The following FHIT variants were observed in gnomAD, a reference collection of about 807,000 sequenced individuals.
FHIT encodes bis(5'-adenosyl)-triphosphatase.
A neutral mutation model predicts 17.9 loss-of-function variants in FHIT; 19 were observed. The ratio of observed to expected loss-of-function variants is 1.06; its 90% CI spans 0.74 to 1.56. The LOEUF is 1.56. FHIT is among the 40% of genes most tolerant of loss of function. FHIT has a pLI of 0.00. For synonymous variants in FHIT, 81 were observed against 69.7 expected (o/e 1.16, Z -0.81); for missense variants, 248 against 189.2 (o/e 1.31, Z -1.82).
intron 4 of FHIT, among the ~76,000 whole-genome samples, chr3:60,765,310 C>G (rs781947965): frequency 6.6e-6 from 1 of 152,198 alleles, no homozygotes; most frequent in Non-Finnish European, 1.5e-5. Flanking sequence ...CACCAAGAGA[C>G]TGGACCTTCT....
At chr3:61,234,424 GAC>G (rs1172097911) in intron 1 of FHIT, among the ~76,000 whole-genome samples, 2 of 152,172 alleles carry the variant, frequency 1.3e-5, no homozygotes, top group Admixed American at 6.5e-5. Flanking sequence ...ATACTCTGTA[GAC>G]ATTAATGCCA....
At chr3:60,001,288 T>C (rs1699720284) in intron 7 of FHIT, among the ~76,000 whole-genome samples, 1 of 152,208 alleles carries the variant, frequency 6.6e-6, no homozygotes. Flanking sequence ...TGGAGTAATA[T>C]GTTAATATTA....
chr3:61,155,749 G>C (rs2037517957), intron 2 of FHIT, among the ~76,000 whole-genome samples: 1 of 152,118 alleles, frequency 6.6e-6, no homozygotes, highest in South Asian at 2.1e-4. Context: ...AGGTAGGTAG[G>C]TAATATCTAC....
At chr3:61,019,509 T>C (rs1338622642) in intron 3 of FHIT, among the ~76,000 whole-genome samples, 1 of 152,238 alleles carries the variant, frequency 6.6e-6, no homozygotes, top group East Asian at 1.9e-4. Flanking sequence ...GAATAGGAAG[T>C]CTAATAGATT....
At chr3:60,403,317 C>A (rs1386083835) in intron 5 of FHIT, among the ~76,000 whole-genome samples, 7 of 152,210 alleles carry the variant, frequency 4.6e-5, no homozygotes, top group Admixed American at 2.0e-4. Flanking sequence ...TTCCTTTCAA[C>A]AGACCCTGAA....
chr3:60,285,059 T>G (rs1000445510), intron 5 of FHIT, among the ~76,000 whole-genome samples: 3 of 152,050 alleles, frequency 2.0e-5, no homozygotes, highest in Non-Finnish European at 4.4e-5. Flanking sequence ...CCTAGTAATT[T>G]TATTCAAATA....
intron 7 of FHIT, among the ~76,000 whole-genome samples, chr3:59,984,401 G>GC (rs11411678): frequency 0.16 from 23,700 of 151,800 alleles, 2,060 homozygotes; most frequent in East Asian, 0.36. Context: ...CACTGGGGGG[G>GC]GCTCTGGAAG....
intron 8 of FHIT, among the ~76,000 whole-genome samples, chr3:59,840,163 T>A (rs1400612353): frequency 6.6e-6 from 1 of 152,124 alleles, no homozygotes; most frequent in Non-Finnish European, 1.5e-5. Flanking sequence ...AATCTTGACA[T>A]CTCACTTGAA....
At chr3:61,169,808 T>C (rs2037950229) in intron 2 of FHIT, among the ~76,000 whole-genome samples, 1 of 152,148 alleles carries the variant, frequency 6.6e-6, no homozygotes, top group Non-Finnish European at 1.5e-5. Flanking sequence ...CAGGTTCAAC[T>C]CCAAATACAA....
intron 5 of FHIT, among the ~76,000 whole-genome samples, chr3:60,065,939 C>T (rs1253295358): frequency 6.6e-6 from 1 of 152,164 alleles, no homozygotes; most frequent in Admixed American, 6.5e-5. Flanking sequence ...ATAGGGTGGC[C>T]ATCTTGCAAA....
chr3:59,848,989 T>C (rs1701826227), intron 8 of FHIT, among the ~76,000 whole-genome samples: 1 of 152,214 alleles, frequency 6.6e-6, no homozygotes, highest in Non-Finnish European at 1.5e-5. Context: ...TCATGCAAAT[T>C]CCATTTAGGA....
intron 5 of FHIT, among the ~76,000 whole-genome samples, chr3:60,362,232 A>T (rs1446170890): frequency 2.0e-5 from 3 of 152,152 alleles, no homozygotes; most frequent in African/African-American, 7.2e-5. Flanking sequence ...CTACTTCCTT[A>T]AAAAAATCCC....
chr3:59,873,967 CTT>C (rs568659736), intron 8 of FHIT, among the ~76,000 whole-genome samples: 1 of 150,218 alleles, frequency 6.7e-6, no homozygotes, highest in Non-Finnish European at 1.5e-5. Context: ...CCAAGCAACA[CTT>C]TTTTTTTTCT....
intron 4 of FHIT, among the ~76,000 whole-genome samples, chr3:60,621,784 G>A (rs1553678744): frequency 6.6e-6 from 1 of 151,358 alleles, no homozygotes; most frequent in East Asian, 1.9e-4. Flanking sequence ...GAGGAGGGAA[G>A]ATCGCTGGAG....
intron 4 of FHIT, among the ~76,000 whole-genome samples, chr3:60,591,032 G>T (rs1216893914): frequency 6.6e-6 from 1 of 152,032 alleles, no homozygotes; most frequent in Non-Finnish European, 1.5e-5. Context: ...GTCAGCAATA[G>T]TACCGTTTCT....
At chr3:61,222,453 A>G (rs2039864899) in intron 1 of FHIT, among the ~76,000 whole-genome samples, 1 of 152,202 alleles carries the variant, frequency 6.6e-6, no homozygotes, top group African/African-American at 2.4e-5. Flanking sequence ...GCTTTGCAAC[A>G]ACAGTCAGCT....
chr3:59,864,832 G>GAGA lies in FHIT; in HGVS notation c.348+57513_348+57514insTCT, dbSNP rs112143504. Among the ~76,000 whole-genome samples, 457 of 137,136 alleles carry GAGA rather than the reference G, an allele frequency of 3.3e-3. 3 individuals are homozygous for GAGA. The highest frequency in any genetic ancestry group is 9.7e-3 in the African/African-American group (357 of 36,962). The allele number at this position is 137,136 out of a possible 152,430, so 90.0% of individuals were successfully genotyped here. A position where few individuals can be genotyped will look rare whatever the true frequency, so the allele number is the denominator to read the frequency against. ...TCTGAAATTATATGAAAGAGAGAGA[G>GAGA]AAAAAAAAAAAAACATTTTGCATGC... is the stretch of plus-strand genomic sequence containing the variant. On this transcript the variant is annotated intron_variant, in intron 8 of 9. Transcript: ENST00000492590.
intron 3 of FHIT, among the ~76,000 whole-genome samples, chr3:60,953,181 T>C (rs895200264): frequency 6.6e-6 from 1 of 152,190 alleles, no homozygotes; most frequent in African/African-American, 2.4e-5. Context: ...AAGGATAATA[T>C]AAGTGCCAAA....
At chr3:60,799,244 G>T (rs1301236884) in intron 4 of FHIT, among the ~76,000 whole-genome samples, 1 of 151,986 alleles carries the variant, frequency 6.6e-6, no homozygotes, top group South Asian at 2.1e-4. Flanking sequence ...GCGCAATCTC[G>T]GCTCACTGCA....
Sources: allele counts gnomAD v4.1 joint callset (sites outside exome capture counted in the v4.1 genomes callset), GRCh38; gene constraint gnomAD v4.1.1; transcripts MANE v1.5; gene names NCBI Gene and HGNC (gene_info 2026-07-23, HGNC 2026-07-21).